Variants in BMAL2 observed in about 807,000 individuals in gnomAD.
The protein encoded by BMAL2 is basic helix-loop-helix ARNT like 2.
chr12:27,377,749 TAAAG>T, the BMAL2 span, among the ~76,000 whole-genome samples: 3 of 152,178 alleles, frequency 2.0e-5, no homozygotes, highest in East Asian at 5.8e-4. Flanking sequence ...TTTAAAAAGA[TAAAG>T]AAAAAAATCT....
chr12:27,348,624 T>C, the BMAL2 span, among the ~76,000 whole-genome samples: 3 of 152,232 alleles, frequency 2.0e-5, no homozygotes, highest in Non-Finnish European at 2.9e-5. Context: ...TTTTTATGGT[T>C]TTATTTCTTT....
the BMAL2 span, among the ~76,000 whole-genome samples, chr12:27,410,765 A>T: frequency 6.6e-6 from 1 of 152,124 alleles, no homozygotes; most frequent in Non-Finnish European, 1.5e-5. Context: ...AATAATTTTT[A>T]AAAATAAAAT....
At chr12:27,408,015 CACAT>C in the BMAL2 span, among the ~76,000 whole-genome samples, 897 of 152,258 alleles carry the variant, frequency 5.9e-3, 11 homozygotes, top group African/African-American at 0.021. Flanking sequence ...AAATTCCTGA[CACAT>C]ACAGCCTCCC....
chr12:27,408,441 A>G, the BMAL2 span, among the ~76,000 whole-genome samples: 2 of 152,226 alleles, frequency 1.3e-5, no homozygotes, highest in Non-Finnish European at 2.9e-5. Flanking sequence ...GGTTCAACAT[A>G]CGCAAATCAA....
At chr12:27,351,014 G>A in the BMAL2 span, among the ~76,000 whole-genome samples, 3 of 109,106 alleles carry the variant, frequency 2.7e-5, no homozygotes, top group Non-Finnish European at 5.1e-5. Context: ...TTTGAGACAG[G>A]GTCTTGCTCT....
chr12:27,400,829 A>G, the BMAL2 span: 257 of 1,483,516 alleles, frequency 1.7e-4, 1 homozygote, highest in Non-Finnish European at 2.1e-4. Flanking sequence ...TGAAGCTATT[A>G]AAGGCGTGTC....
At chr12:27,368,234 A>C in the BMAL2 span, 2 of 1,609,226 alleles carry the variant, frequency 1.2e-6, no homozygotes, top group Non-Finnish European at 8.5e-7. Flanking sequence ...TTTAAAATAA[A>C]TGTCTTGTTG....
chr12:27,390,726 T>C, the BMAL2 span, among the ~76,000 whole-genome samples: 1 of 152,220 alleles, frequency 6.6e-6, no homozygotes, highest in Admixed American at 6.5e-5. Flanking sequence ...CTTTGCTAGA[T>C]TTTTCTTGCA....
the BMAL2 span, among the ~76,000 whole-genome samples, chr12:27,349,729 T>C: frequency 1.3e-5 from 2 of 152,326 alleles, no homozygotes; most frequent in Admixed American, 1.3e-4. Flanking sequence ...AACATTTATC[T>C]CAGTGTTTTC....
At chr12:27,342,917 C>T in the BMAL2 span, among the ~76,000 whole-genome samples, 3 of 152,326 alleles carry the variant, frequency 2.0e-5, no homozygotes, top group South Asian at 6.2e-4. Flanking sequence ...CTTATCACTT[C>T]CTTTCAACAA....
chr12:27,390,778 C>A, the BMAL2 span, among the ~76,000 whole-genome samples: 1 of 152,106 alleles, frequency 6.6e-6, no homozygotes, highest in African/African-American at 2.4e-5. Context: ...ATCTATTTAA[C>A]TTAATTGGGA....
chr12:27,332,919 CG>C, the BMAL2 span: 2 of 367,524 alleles, frequency 5.4e-6, no homozygotes, highest in East Asian at 1.7e-4. Context: ...TGCGCGCCTA[CG>C]GGCTGCGGTG....
chr12:27,418,115 A>C, the BMAL2 span: 1 of 1,613,076 alleles, frequency 6.2e-7, no homozygotes, highest in Non-Finnish European at 8.5e-7. Flanking sequence ...GTTTCCACCA[A>C]GTCCTTCTGA....
chr12:27,420,708 TC>T, the BMAL2 span: 1 of 720,192 alleles, frequency 1.4e-6, no homozygotes, highest in South Asian at 3.9e-5. Flanking sequence ...TACGTTTTCC[TC>T]CCAAGAGAAC....
At chr12:27,384,909 A>G in the BMAL2 span, among the ~76,000 whole-genome samples, 1 of 152,230 alleles carries the variant, frequency 6.6e-6, no homozygotes, top group Non-Finnish European at 1.5e-5. Context: ...ACATTTTATT[A>G]TAATGTTTTT....
chr12:27,336,145 C>T, the BMAL2 span, among the ~76,000 whole-genome samples: 2 of 152,178 alleles, frequency 1.3e-5, no homozygotes, highest in East Asian at 1.9e-4. Context: ...CTGAGTTACT[C>T]GGGTGCTTGG....
At chr12:27,399,499 G>A in the BMAL2 span, among the ~76,000 whole-genome samples, 43,539 of 151,996 alleles carry the variant, frequency 0.29, 7,142 homozygotes, top group East Asian at 0.58. Context: ...ATCCCATAGA[G>A]CTGTTAAGAT....
At chr12:27,385,439 C>T in the BMAL2 span, 5 of 1,363,174 alleles carry the variant, frequency 3.7e-6, 1 homozygote, top group South Asian at 4.8e-5. Flanking sequence ...ATTTTGCCCT[C>T]TCTACTATAT....
At chr12:27,333,252 G>A in the BMAL2 span, 4 of 837,786 alleles carry the variant, frequency 4.8e-6, no homozygotes, top group African/African-American at 7.2e-5. Context: ...GCCTCCGAGG[G>A]GCGGTGGGAC....
Sources: gnomAD v4.1 joint callset for allele counts (sites outside exome capture counted in the v4.1 genomes callset) on GRCh38, gnomAD v4.1.1 for gene constraint, MANE v1.5 for transcripts, NCBI Gene and HGNC (gene_info 2026-07-23, HGNC 2026-07-21) for gene names.